Variants in PSMB3 observed in about 807,000 individuals in gnomAD.
PSMB3 encodes proteasome 20S subunit beta 3, also known as proteasome subunit beta type-3.
Under a neutral mutation model 23.3 loss-of-function variants are expected in PSMB3, and 5 were observed. The ratio of observed to expected loss-of-function variants is 0.21; its 90% CI spans 0.11 to 0.45. PSMB3 has a LOEUF of 0.45. Ranked by LOEUF, PSMB3 falls within the 20% of genes least tolerant of loss-of-function variation. The pLI is 0.99. For synonymous variants in PSMB3, 85 were observed against 99.8 expected (o/e 0.85, Z 0.88); for missense variants, 192 against 277.9 (o/e 0.69, Z 2.20).
At chr17:38,760,760 T>C (rs2143244093) in intron 4 of PSMB3, 152 bp downstream of exon 4, 3 of 944,532 alleles carry the variant, frequency 3.2e-6, no homozygotes, top group Non-Finnish European at 4.7e-6. Context: ...ATCCAGAAAT[T>C]CCATCTGCCA....
intron 5 of PSMB3, 55 bp from the exon 6 acceptor site, chr17:38,764,062 TCA>T: frequency 1.1e-5 from 17 of 1,606,668 alleles, no homozygotes; most frequent in Non-Finnish European, 1.4e-5. Flanking sequence ...GGAGAGCTAG[TCA>T]CAGTCACGGT....
chr17:38,753,049 A>AT (rs1908002726), intron 1 of PSMB3, 101 bp from the exon 2 acceptor site: 2 of 1,343,970 alleles, frequency 1.5e-6, no homozygotes, highest in Non-Finnish European at 2.0e-6. Context: ...CGCCTCCGGA[A>AT]TGGAGAACGG....
chr17:38,763,830 G>C (rs1051386228), intron 5 of PSMB3, among the ~76,000 whole-genome samples: 2 of 152,162 alleles, frequency 1.3e-5, no homozygotes, highest in Non-Finnish European at 2.9e-5. Context: ...TGAGAGCTGT[G>C]AAGTCTGGCC....
chr17:38,757,034 ATTTTTTTTTTT>A (rs35172699), intron 3 of PSMB3, among the ~76,000 whole-genome samples: 1 of 65,690 alleles, frequency 1.5e-5, no homozygotes, highest in African/African-American at 6.4e-5. Context: ...CACCTGGCTA[ATTTTTTTTTTT>A]TTTTTTTTTT....
intron 3 of PSMB3, 107 bp downstream of exon 3, chr17:38,756,097 C>A: frequency 1.1e-6 from 1 of 921,794 alleles, no homozygotes; most frequent in Non-Finnish European, 1.7e-6. Context: ...CTCTTATTTG[C>A]AGGATAATAT....
chr17:38,763,971 G>C, intron 5 of PSMB3, 148 bp from the exon 6 acceptor site: 3 of 779,262 alleles, frequency 3.8e-6, no homozygotes, highest in Non-Finnish European at 6.4e-6. Context: ...ACTAGAGCAG[G>C]ATAGTTACAC....
Position 38,752,941 on chromosome 17 carries a change from A to G in PSMB3, c.3+112A>G. 1 of 1,489,060 alleles carries G rather than the reference A, an allele frequency of 6.7e-7. No homozygotes were observed. Among genetic ancestry groups the G allele is most frequent in the Non-Finnish European group, 9.2e-7 (1 of 1,086,482 alleles). The allele number at this position is 1,489,060 out of a possible 1,614,324, so 92.2% of individuals were successfully genotyped here. On this transcript the variant is annotated intron_variant, in intron 1 of 5. Transcript: ENST00000619426. This position sits in a 1 kb window ranked among gnomAD's most constrained non-coding sequence, Gnocchi z 5.5. ...AGGGTCGATGGAAGGAAGCGGTTTCAGTTCGAGGGGAGCGGGCCCCGGTGA... is the reference window on the plus strand; with the variant it reads ...AGGGTCGATGGAAGGAAGCGGTTTCGGTTCGAGGGGAGCGGGCCCCGGTGA...
intron 4 of PSMB3, 52 bp downstream of exon 4, chr17:38,760,660 C>A: frequency 6.2e-7 from 1 of 1,600,108 alleles, no homozygotes; most frequent in South Asian, 1.1e-5. Flanking sequence ...CACCCTTGGT[C>A]ATTAGGAAAA....
At chr17:38,763,935 C>T (rs578162156) in intron 5 of PSMB3, among the ~76,000 whole-genome samples, 184 bp from the exon 6 acceptor site, 3 of 152,260 alleles carry the variant, frequency 2.0e-5, no homozygotes, top group Admixed American at 6.5e-5. Context: ...TCACCACAGG[C>T]GGAGGAGATG....
Position 38,753,133 on chromosome 17 carries a change from C to A in PSMB3, c.4-17C>A. On this transcript the variant is annotated splice_polypyrimidine_tract_variant and intron_variant, in intron 1 of 5. Transcript: ENST00000619426. Reference sequence around the variant, plus strand: ...GTTTGACCCCCCGCGCTGACCCCTCCGCTCTGTCTGTCCTAGTCTATTATG... The same window carrying A: ...GTTTGACCCCCCGCGCTGACCCCTCAGCTCTGTCTGTCCTAGTCTATTATG... 6.2e-7 allele frequency: 1 copy of A among 1,603,726 alleles called. No individual in the cohort carries two copies. Among genetic ancestry groups the A allele is most frequent in the Non-Finnish European group, 8.5e-7 (1 of 1,174,090 alleles).
intron 4 of PSMB3, 103 bp downstream of exon 4, chr17:38,760,711 G>C (rs1370808987): frequency 6.0e-6 from 8 of 1,335,410 alleles, no homozygotes; most frequent in Non-Finnish European, 8.2e-6. Context: ...AATGGTGCAG[G>C]TGGGAGAGAA....
intron 4 of PSMB3, among the ~76,000 whole-genome samples, chr17:38,761,894 GACTTAGTC>G (rs1376991481): frequency 6.6e-6 from 1 of 152,186 alleles, no homozygotes; most frequent in Non-Finnish European, 1.5e-5. Flanking sequence ...CTGTCAAGGG[GACTTAGTC>G]ACTTAAAACA....
rs569116879 is a variant in PSMB3, at chr17:38,762,335, GAA to G, written c.475-71_475-70del. On this transcript the variant is annotated intron_variant, in intron 4 of 5. Transcript: ENST00000619426. ...GCCAGAGCTGGGAATCTTGAGCCTA[GAA>G]AAAAGAGAGTTAAGGGACCAGACCA... 436 of 1,272,238 alleles carry G rather than the reference GAA, an allele frequency of 3.4e-4. 5 individuals are homozygous for G. The South Asian group carries it at 5.1e-3, about 15-fold the overall frequency. The allele number at this position is 1,272,238 out of a possible 1,614,324, so 78.8% of individuals were successfully genotyped here. A position where few individuals can be genotyped will look rare whatever the true frequency, so the allele number is the denominator to read the frequency against.
At chr17:38,755,646 T>TAAAAAAA (rs66894167) in intron 2 of PSMB3, among the ~76,000 whole-genome samples, 21 of 66,442 alleles carry the variant, frequency 3.2e-4, no homozygotes, top group African/African-American at 8.5e-4. Context: ...AGACTCCGTC[T>TAAAAAAA]AAAAAAAAAA....
chr17:38,758,740 T>C (rs970347796), intron 3 of PSMB3, among the ~76,000 whole-genome samples: 13 of 152,254 alleles, frequency 8.5e-5, no homozygotes, highest in African/African-American at 2.9e-4. Context: ...CTGAAGATCA[T>C]GCCCTTAGAA....
intron 3 of PSMB3, among the ~76,000 whole-genome samples, chr17:38,756,756 A>G (rs1469567921): frequency 1.3e-5 from 2 of 152,092 alleles, no homozygotes; most frequent in African/African-American, 4.8e-5. Flanking sequence ...TTGGCCTCCC[A>G]AAGTCCTATT....
At chr17:38,761,109 GGAGGCT>G (rs1214739119) in intron 4 of PSMB3, among the ~76,000 whole-genome samples, 1 of 151,938 alleles carries the variant, frequency 6.6e-6, no homozygotes, top group Non-Finnish European at 1.5e-5. Context: ...CAGCACTTTG[GGAGGCT>G]GAGGCAAGCA....
Position 38,762,140 on chromosome 17 carries a change from G to GA in PSMB3, c.475-269dup, listed in dbSNP as rs529204908. ...TTTTACAGAGAAACTGAGGCTCAGT[G>GA]AAGAGAGACATACTATTTGCCCAAT... On this transcript the variant is annotated intron_variant, in intron 4 of 5. Coordinates refer to ENST00000619426, the MANE Select transcript of PSMB3 (RefSeq NM_002795.4). The GA allele has an allele frequency of 4.4e-4, 186 of 423,216 alleles. 2 individuals carry two copies. The South Asian group carries it at 7.4e-3, about 17-fold the overall frequency. 26.2% of individuals were successfully genotyped at this position (423,216 alleles called of 1,614,324 possible).
chr17:38,763,723 G>T (rs916731190), intron 5 of PSMB3, among the ~76,000 whole-genome samples: 11 of 151,968 alleles, frequency 7.2e-5, no homozygotes, highest in Non-Finnish European at 1.5e-4. Flanking sequence ...GGCTGGTCTT[G>T]AACTCCTGAC....
Sources: allele counts gnomAD v4.1 joint callset (sites outside exome capture counted in the v4.1 genomes callset), GRCh38; gene constraint gnomAD v4.1.1; non-coding constraint Gnocchi (gnomAD v3.1); transcripts MANE v1.5; gene names NCBI Gene and HGNC (gene_info 2026-07-23, HGNC 2026-07-21).